BACE2: variants seen among roughly 807,000 people sequenced by gnomAD.
BACE2 encodes beta-secretase 2.
Under a neutral mutation model 46.2 loss-of-function variants are expected in BACE2, and 17 were observed. The observed-to-expected ratio is 0.37, with a 90% CI of 0.25 to 0.55. The LOEUF (loss-of-function observed/expected upper bound fraction) is 0.55, where lower values mean the gene tolerates loss of function less well. Ranked by LOEUF, BACE2 falls within the 20% of genes least tolerant of loss-of-function variation. The pLI, the probability that BACE2 is intolerant of heterozygous loss-of-function variation, is 0.82. For missense variants in BACE2, 595 were observed against 698.1 expected (o/e 0.85, Z 1.66); for synonymous variants, 277 against 295.9 (o/e 0.94, Z 0.66).
intron 1 of BACE2, among the ~76,000 whole-genome samples, chr21:41,216,346 A>G (rs1273465106): frequency 6.6e-6 from 1 of 152,220 alleles, no homozygotes; most frequent in Non-Finnish European, 1.5e-5. Context: ...CTCTCAGATC[A>G]TATGCTCCAG....
At chr21:41,246,872 G>A (rs1392125750) in intron 6 of BACE2, among the ~76,000 whole-genome samples, 1 of 152,172 alleles carries the variant, frequency 6.6e-6, no homozygotes, top group Non-Finnish European at 1.5e-5. Flanking sequence ...TCTCAACTGA[G>A]GGGTGGTTGT....
At chr21:41,216,584 C>G (rs185776488) in intron 1 of BACE2, among the ~76,000 whole-genome samples, 1 of 152,184 alleles carries the variant, frequency 6.6e-6, no homozygotes, top group East Asian at 1.9e-4. Flanking sequence ...GAGGCAGGAC[C>G]GGGTCTGGGC....
chr21:41,193,055 A>G lies in BACE2; in HGVS notation c.312+24480A>G, dbSNP rs1250522486. On this transcript the variant is annotated intron_variant, in intron 1 of 8. Transcript: ENST00000330333. This position sits in a 1 kb window ranked among gnomAD's most constrained non-coding sequence, Gnocchi z 4.2. ...CACCAATAAGTCCAGTGTGTTTGCT[A>G]CTTCTTGCTCACTGGATCCAATCAG... Among the ~76,000 whole-genome samples, 4 of 152,202 alleles carry G rather than the reference A, an allele frequency of 2.6e-5. No individual in the cohort carries two copies. Among genetic ancestry groups the G allele is most frequent in the South Asian group, 2.1e-4 (1 of 4,824 alleles).
intron 1 of BACE2, among the ~76,000 whole-genome samples, chr21:41,217,631 CGTT>C (rs144571884): frequency 0.032 from 4,924 of 152,264 alleles, 237 homozygotes; most frequent in African/African-American, 0.11. Flanking sequence ...GTGCTGGACA[CGTT>C]GTACTTTGGA....
intron 1 of BACE2, chr21:41,179,938 C>T (rs1433697885): frequency 5.5e-6 from 2 of 365,244 alleles, no homozygotes; most frequent in African/African-American, 4.3e-5. Context: ...GGGTTCTTAG[C>T]TTTGCCCAGG....
intron 1 of BACE2, among the ~76,000 whole-genome samples, chr21:41,205,494 A>G (rs80077434): frequency 2.4e-3 from 363 of 152,330 alleles, no homozygotes; most frequent in African/African-American, 8.5e-3. Context: ...ATACAATATG[A>G]TTATTATTCC....
intron 8 of BACE2, among the ~76,000 whole-genome samples, chr21:41,266,997 T>C (rs1337736506): frequency 6.6e-6 from 1 of 151,950 alleles, no homozygotes; most frequent in Non-Finnish European, 1.5e-5. Context: ...GTCATTTGTG[T>C]TTGTCCGATG....
chr21:41,195,508 GTGT>G (rs1265841056), intron 1 of BACE2, among the ~76,000 whole-genome samples: 3 of 152,172 alleles, frequency 2.0e-5, no homozygotes, highest in Non-Finnish European at 4.4e-5. Context: ...TCCATTCTCT[GTGT>G]TTCAATTTTA....
rs539573113 is a variant in BACE2 at position 41,195,577 on chromosome 21, T to C, written c.312+27002T>C. ...CCGTGCAGTCAAATACAAAACTTCC[T>C]GCCCCTCACACCTCCATTCTCCCTG... On this transcript the variant is annotated intron_variant, in intron 1 of 8. Coordinates refer to ENST00000330333, the MANE Select transcript of BACE2 (RefSeq NM_012105.5). 2.6e-5 allele frequency among the ~76,000 whole-genome samples: 4 copies of C among 152,282 alleles called. No homozygotes were observed. The East Asian group carries it at 7.7e-4, about 29-fold the overall frequency.
At chr21:41,204,289 C>T (rs1601263169) in intron 1 of BACE2, among the ~76,000 whole-genome samples, 1 of 152,192 alleles carries the variant, frequency 6.6e-6, no homozygotes, top group Admixed American at 6.5e-5. Flanking sequence ...GATCTGGCCA[C>T]CTCGGCCCCC....
intron 2 of BACE2, among the ~76,000 whole-genome samples, chr21:41,233,652 T>C (rs1987028932): frequency 6.6e-6 from 1 of 152,168 alleles, no homozygotes; most frequent in Non-Finnish European, 1.5e-5. Flanking sequence ...TTTAGACTGT[T>C]TAGGAAAGAT....
chr21:41,196,466 A>C (rs1048579407), intron 1 of BACE2, among the ~76,000 whole-genome samples: 2 of 152,212 alleles, frequency 1.3e-5, no homozygotes, highest in East Asian at 3.9e-4. Context: ...CGTGTGCCTC[A>C]AAAGGGGACT....
chr21:41,187,857 G>A (rs538909293), intron 1 of BACE2, among the ~76,000 whole-genome samples: 1 of 152,318 alleles, frequency 6.6e-6, no homozygotes, highest in East Asian at 1.9e-4. Flanking sequence ...TTGCAAGCAA[G>A]TGTTAAATTC....
intron 1 of BACE2, among the ~76,000 whole-genome samples, chr21:41,223,560 C>A (rs950548604): frequency 3.3e-5 from 5 of 152,168 alleles, no homozygotes; most frequent in African/African-American, 1.2e-4. Flanking sequence ...ACTTGGCACC[C>A]CCCGTGTGTC....
intron 1 of BACE2, among the ~76,000 whole-genome samples, chr21:41,200,479 T>A (rs933266641): frequency 6.6e-6 from 1 of 152,164 alleles, no homozygotes; most frequent in African/African-American, 2.4e-5. Context: ...GGTGCACCCG[T>A]GAGGTCTTGG....
Position 41,245,969 on chromosome 21 carries a change from C to T in BACE2, c.890C>T (p.Ala297Val), listed in dbSNP as rs1228629841. The part of the protein sequence containing the change: ...SLNLDCREYN[A>V]DKAIVDSGTT... ...TTTCTCTCCCGGTTCAAGTATAACG[C>T]AGACAAGGCCATCGTGGACAGTGGC... Residue 297 changes from alanine (A) to valine (V), a missense_variant, in exon 6 of 9, where the codon GCA (alanine) becomes GTA (valine). Physicochemically the swap from Ala to Val is moderately conservative, Grantham distance 64. Transcript: ENST00000330333. The T allele has an allele frequency of 6.2e-7, 1 of 1,608,576 alleles. No homozygotes were observed. Among genetic ancestry groups the T allele is most frequent in the East Asian group, 2.2e-5 (1 of 44,716 alleles).
At chr21:41,256,198 G>A (rs111694432) in intron 7 of BACE2, among the ~76,000 whole-genome samples, 103 of 152,052 alleles carry the variant, frequency 6.8e-4, no homozygotes, top group East Asian at 2.3e-3. Flanking sequence ...CCATCAACCC[G>A]TCACCTGCAT....
intron 1 of BACE2, among the ~76,000 whole-genome samples, chr21:41,214,607 T>A: frequency 6.6e-6 from 1 of 152,250 alleles, no homozygotes. Context: ...AGATTTGCTT[T>A]AGAAATGAAC....
intron 8 of BACE2, among the ~76,000 whole-genome samples, chr21:41,265,335 A>G (rs1217031920): frequency 6.6e-6 from 1 of 152,214 alleles, no homozygotes; most frequent in Admixed American, 6.5e-5. Flanking sequence ...ATATGAAAGT[A>G]TACATCTAGG....
Sources: gnomAD v4.1 joint callset for allele counts (sites outside exome capture counted in the v4.1 genomes callset) on GRCh38, gnomAD v4.1.1 for gene constraint, Gnocchi (gnomAD v3.1) non-coding constraint, MANE v1.5 for transcripts, NCBI Gene and HGNC (gene_info 2026-07-23, HGNC 2026-07-21) for gene names.